Variants in NKAIN3 observed in about 807,000 individuals in gnomAD.
NKAIN3 encodes sodium/potassium transporting ATPase interacting 3.
In NKAIN3, 25 loss-of-function variants were observed where a neutral mutation model predicts 30.2. That is an observed-to-expected ratio of 0.83 (90% CI 0.60 to 1.16). NKAIN3 has a LOEUF of 1.16. Among genes scored for constraint, NKAIN3 ranks in the 50% most tolerant of loss-of-function variants. The probability of loss-of-function intolerance (pLI) is 0.00; values close to 1 mark genes in which losing one functional copy is unlikely to be tolerated. For synonymous variants in NKAIN3, 91 were observed against 89.6 expected, an observed-to-expected ratio of 1.02 and a Z score of -0.09; for missense variants, 225 against 254.1, an observed-to-expected ratio of 0.89 and a Z score of 0.78.
At chr8:62,587,631 A>G (rs969724803) in intron 2 of NKAIN3, among the ~76,000 whole-genome samples, 1 of 151,990 alleles carries the variant, frequency 6.6e-6, no homozygotes, top group Admixed American at 6.6e-5. Flanking sequence ...TCAGGTGTCA[A>G]ATCCTAACTC....
At chr8:62,750,673 G>T (rs17264159) in intron 4 of NKAIN3, among the ~76,000 whole-genome samples, 2,150 of 152,254 alleles carry the variant, frequency 0.014, 28 homozygotes, top group Non-Finnish European at 0.019. Context: ...GAAGGTTCTT[G>T]TTGTCCTAAA....
chr8:62,489,858 C>G (rs1354453919), intron 1 of NKAIN3, among the ~76,000 whole-genome samples: 1 of 152,116 alleles, frequency 6.6e-6, no homozygotes. Flanking sequence ...GGTGTGCTGA[C>G]AAGACTAGGT....
At chr8:62,362,011 G>C (rs560796775) in intron 1 of NKAIN3, among the ~76,000 whole-genome samples, 52 of 152,200 alleles carry the variant, frequency 3.4e-4, no homozygotes, top group Non-Finnish European at 6.2e-4. Flanking sequence ...CTACCTCTCT[G>C]GCTGCCTTCA....
At chr8:62,355,683 A>G (rs1003385972) in intron 1 of NKAIN3, among the ~76,000 whole-genome samples, 8 of 152,164 alleles carry the variant, frequency 5.3e-5, no homozygotes, top group Non-Finnish European at 1.0e-4. Flanking sequence ...TCACATATGC[A>G]ATTATATGGT....
rs143886985 is a variant in NKAIN3 at position 62,264,320 on chromosome 8, A to G, written c.54+15193A>G. ...ACTTTGCATGTTCTGACCCACCCCA[A>G]TTCCTGAGCCAATATTGACAGAGTC... On this transcript the variant is annotated intron_variant, in intron 1 of 6. Coordinates refer to ENST00000623646, the MANE Select transcript of NKAIN3 (RefSeq NM_001304533.3). 4.2e-3 allele frequency among the ~76,000 whole-genome samples: 640 copies of G among 152,212 alleles called. 6 individuals are homozygous for G. The highest frequency in any genetic ancestry group is 7.3e-3 in the Non-Finnish European group (496 of 68,004).
chr8:62,770,284 T>C lies in NKAIN3; in HGVS notation c.471+23155T>C, dbSNP rs372171462. Among the ~76,000 whole-genome samples the C allele has an allele frequency of 2.6e-3, 389 of 152,326 alleles. 2 individuals are homozygous for C. The highest frequency in any genetic ancestry group is 8.9e-3 in the African/African-American group (371 of 41,570). On this transcript the variant is annotated intron_variant, in intron 4 of 6. Coordinates refer to ENST00000623646, the MANE Select transcript of NKAIN3 (RefSeq NM_001304533.3). The stretch of plus-strand genomic sequence containing the variant: ...CAAATTGCCTGAGTTTTTAGTGTAC[T>C]CCATAACCCCCACACAGGTGCAATA...
At chr8:62,853,006 C>A (rs1404165386) in intron 4 of NKAIN3, among the ~76,000 whole-genome samples, 1 of 152,090 alleles carries the variant, frequency 6.6e-6, no homozygotes, top group Non-Finnish European at 1.5e-5. Context: ...TCCTGAATAT[C>A]CTTGTTAACA....
intron 3 of NKAIN3, among the ~76,000 whole-genome samples, chr8:62,630,063 ATATAT>A (rs1476884405): frequency 1.4e-4 from 21 of 152,190 alleles, no homozygotes; most frequent in Admixed American, 8.5e-4. Flanking sequence ...TTTTATTATA[ATATAT>A]TATAGTCATT....
chr8:62,539,769 C>A (rs998050288), intron 1 of NKAIN3, among the ~76,000 whole-genome samples: 3 of 152,054 alleles, frequency 2.0e-5, no homozygotes, highest in African/African-American at 7.2e-5. Context: ...TTAGTAGAGA[C>A]AAGGTATCAC....
chr8:62,385,108 A>T (rs1379483444), intron 1 of NKAIN3, among the ~76,000 whole-genome samples: 1 of 152,096 alleles, frequency 6.6e-6, no homozygotes, highest in Non-Finnish European at 1.5e-5. Context: ...GTAAATTTAG[A>T]ATCAGGAGTG....
At chr8:62,536,071 T>C (rs1808651033) in intron 1 of NKAIN3, among the ~76,000 whole-genome samples, 1 of 152,084 alleles carries the variant, frequency 6.6e-6, no homozygotes, top group Non-Finnish European at 1.5e-5. Flanking sequence ...GAAACACACA[T>C]ATATATGTGA....
chr8:62,976,624 G>C lies in NKAIN3; in HGVS notation c.*11217G>C, dbSNP rs112102296. The stretch of plus-strand genomic sequence containing the variant: ...CGAATACAACACACCAATGGGTTTT[G>C]ACTCTTTATCCAATTTGCCAGTCTG... On this transcript the variant is annotated 3_prime_UTR_variant, in exon 7 of 7. Transcript: ENST00000623646. 6.6e-6 allele frequency among the ~76,000 whole-genome samples: 1 copy of C among 152,158 alleles called. No homozygotes were observed. The highest frequency in any genetic ancestry group is 2.4e-5 in the African/African-American group (1 of 41,430).
intron 1 of NKAIN3, among the ~76,000 whole-genome samples, chr8:62,401,200 A>G (rs546980902): frequency 6.6e-6 from 1 of 152,078 alleles, no homozygotes. Context: ...TGCTTGATCA[A>G]TGCTGCTATT....
chr8:62,285,596 C>T (rs1192863560), intron 1 of NKAIN3, among the ~76,000 whole-genome samples: 1 of 152,076 alleles, frequency 6.6e-6, no homozygotes, highest in Non-Finnish European at 1.5e-5. Flanking sequence ...AGGTTTTCCT[C>T]AGAGTGACTC....
At chr8:62,900,520 G>T (rs1007180913) in intron 4 of NKAIN3, among the ~76,000 whole-genome samples, 5 of 152,192 alleles carry the variant, frequency 3.3e-5, no homozygotes, top group African/African-American at 1.2e-4. Flanking sequence ...TACCTAAGTG[G>T]TTTGGGGACA....
chr8:62,364,371 T>C (rs1816660414), intron 1 of NKAIN3, among the ~76,000 whole-genome samples: 1 of 124,382 alleles, frequency 8.0e-6, no homozygotes, highest in Admixed American at 9.0e-5. Context: ...ACTTGGAAAG[T>C]TTATGTAATT....
intron 1 of NKAIN3, among the ~76,000 whole-genome samples, chr8:62,447,014 T>C (rs1805506571): frequency 6.6e-6 from 1 of 152,072 alleles, no homozygotes; most frequent in African/African-American, 2.4e-5. Flanking sequence ...ATTAGAAATC[T>C]AATACTTGGT....
At chr8:62,915,287 A>G (rs1822057878) in intron 4 of NKAIN3, among the ~76,000 whole-genome samples, 1 of 152,216 alleles carries the variant, frequency 6.6e-6, no homozygotes, top group Non-Finnish European at 1.5e-5. Context: ...ATTGATAATC[A>G]TGTGACCTTA....
intron 4 of NKAIN3, among the ~76,000 whole-genome samples, chr8:62,827,980 T>C (rs1052477592): frequency 5.3e-5 from 8 of 152,108 alleles, no homozygotes; most frequent in African/African-American, 1.9e-4. Context: ...CATAGCAGAT[T>C]TATATGTGAC....
Sources: allele counts gnomAD v4.1 joint callset (sites outside exome capture counted in the v4.1 genomes callset), GRCh38; gene constraint gnomAD v4.1.1; transcripts MANE v1.5; gene names NCBI Gene and HGNC (gene_info 2026-07-23, HGNC 2026-07-21).